The following SLC16A2 variants were observed in gnomAD, a reference collection of about 807,000 sequenced individuals.
SLC16A2 encodes solute carrier family 16 member 2.
A neutral mutation model predicts 27.2 loss-of-function variants in SLC16A2; 3 were observed. That is an observed-to-expected ratio of 0.11 (90% confidence interval 0.05 to 0.28). The LOEUF (loss-of-function observed/expected upper bound fraction) is 0.28. SLC16A2 is among the 10% of genes least tolerant of loss of function. The pLI is 1.00. For missense variants in SLC16A2, 295 were observed against 458.5 expected (o/e 0.64, Z 3.26); for synonymous variants, 202 against 187.8 (o/e 1.08, Z -0.62).
intron 1 of SLC16A2, among the ~76,000 whole-genome samples, chrX:74,503,804 C>T (rs1602134974): frequency 8.9e-6 from 1 of 112,020 alleles, no homozygotes; most frequent in South Asian, 3.7e-4. Context: ...TCAGACAGAC[C>T]TGGATTGGAT....
chrX:74,449,729 C>T (rs1928903805), intron 1 of SLC16A2, among the ~76,000 whole-genome samples: 1 of 111,912 alleles, frequency 8.9e-6, no homozygotes, highest in African/African-American at 3.3e-5. Context: ...ACACACCCCT[C>T]TAAGTAGGTT....
intron 1 of SLC16A2, among the ~76,000 whole-genome samples, chrX:74,518,410 G>A (rs1295352664): frequency 9.0e-6 from 1 of 110,923 alleles, no homozygotes; most frequent in Admixed American, 9.6e-5. Flanking sequence ...CCTGGCCATC[G>A]TGGTGAAACC....
chrX:74,433,642 C>T (rs1275545464), intron 1 of SLC16A2, among the ~76,000 whole-genome samples: 1 of 111,871 alleles, frequency 8.9e-6, no homozygotes, highest in Non-Finnish European at 1.9e-5. Context: ...AGGCTACCAT[C>T]CACCTTATCC....
At chrX:74,464,052 C>T (rs1202519313) in intron 1 of SLC16A2, among the ~76,000 whole-genome samples, 3 of 111,976 alleles carry the variant, frequency 2.7e-5, no homozygotes, top group Non-Finnish European at 5.6e-5. Flanking sequence ...CTCTTTTTGT[C>T]TAGAGATTTT....
At position 74,421,926 on chromosome X, in the gene SLC16A2, G is replaced by A. The variant is rs1357516055; in HGVS notation, c.289G>A (p.Gly97Ser). 3 of 1,210,171 alleles carry A rather than the reference G, an allele frequency of 2.5e-6. No individual in the cohort carries two copies. Among genetic ancestry groups the A allele is most frequent in the Non-Finnish European group, 3.4e-6 (3 of 895,264 alleles). ...CGCGCGCGGCTTCCAGCCTCCCGAAGGTGGCTTCGGCTGGGTGGTGGTGTT... is the reference window on the plus strand; with the variant it reads ...CGCGCGCGGCTTCCAGCCTCCCGAAAGTGGCTTCGGCTGGGTGGTGGTGTT... ...GTARGFQPPE[G>S]GFGWVVVFAA... Residue 97 changes from glycine (G) to serine (S), a missense_variant, in exon 1 of 6, where the codon GGT becomes AGT. By Grantham distance (56) the Gly-to-Ser change is moderately conservative. Transcript: ENST00000587091.
intron 1 of SLC16A2, among the ~76,000 whole-genome samples, chrX:74,485,456 G>C (rs1243328996): frequency 9.1e-6 from 1 of 109,505 alleles, no homozygotes; most frequent in Non-Finnish European, 1.9e-5. Context: ...TACTCAGAAG[G>C]CCTTGTCACA....
At chrX:74,461,595 G>A (rs965921670) in intron 1 of SLC16A2, among the ~76,000 whole-genome samples, 1 of 111,411 alleles carries the variant, frequency 9.0e-6, no homozygotes, top group African/African-American at 3.3e-5. Context: ...CGCAGTGCTA[G>A]GCAACACACA....
intron 1 of SLC16A2, among the ~76,000 whole-genome samples, chrX:74,435,545 A>ATATGTGTATG: frequency 2.3e-5 from 2 of 88,485 alleles, no homozygotes; most frequent in African/African-American, 9.5e-5. Flanking sequence ...ATGTATATAT[A>ATATGTGTATG]TATATATATT....
intron 1 of SLC16A2, among the ~76,000 whole-genome samples, chrX:74,508,824 C>G (rs1980234501): frequency 9.0e-6 from 1 of 111,675 alleles, no homozygotes; most frequent in Admixed American, 9.5e-5. Flanking sequence ...AGCCCAGTAC[C>G]CAGTAAATAT....
In SLC16A2 at chrX:74,531,996, G is replaced by A; in HGVS notation, c.*443G>A. ...TTGCCATCCATATTTGGGAGCCACT[G>A]GGTGGAGGGGCAGGGAGGCAAAATG... On this transcript the variant is annotated 3_prime_UTR_variant, in exon 6 of 6. Transcript: ENST00000587091. The A allele has an allele frequency of 5.3e-6, 1 of 189,305 alleles. No individual in the cohort carries two copies. The highest frequency in any genetic ancestry group is 1.3e-4 in the East Asian group (1 of 7,995). The allele number at this position is 189,305 out of a possible 1,213,427, so 15.6% of individuals were successfully genotyped here.
intron 1 of SLC16A2, among the ~76,000 whole-genome samples, chrX:74,518,321 C>T (rs1930348543): frequency 8.9e-6 from 1 of 112,206 alleles, no homozygotes; most frequent in Non-Finnish European, 1.9e-5. Context: ...TTGCTGGGCA[C>T]CATTGCTCAC....
chrX:74,442,246 A>AG (rs1476136828), intron 1 of SLC16A2, among the ~76,000 whole-genome samples: 8 of 109,107 alleles, frequency 7.3e-5, no homozygotes, highest in African/African-American at 2.3e-4. Context: ...AAAAAAAAAA[A>AG]AAAGAAATGG....
At chrX:74,494,712 T>A (rs1426887133) in intron 1 of SLC16A2, among the ~76,000 whole-genome samples, 2 of 111,297 alleles carry the variant, frequency 1.8e-5, no homozygotes, top group African/African-American at 6.5e-5. Context: ...AGCTCCACTT[T>A]GATTTACAGA....
rs1164828884 is a variant in SLC16A2, at chrX:74,447,731, C to A, written c.430+25664C>A. 7.4e-5 allele frequency among the ~76,000 whole-genome samples: 8 copies of A among 108,441 alleles called. No homozygotes were observed. The Admixed American group carries it at 8.0e-4, about 11-fold the overall frequency. 94.2% of individuals were successfully genotyped at this position (108,441 alleles called of 115,157 possible). Reference sequence around the variant, plus strand: ...CAGTGGCTCATGCCTGCAATCCCAGCACTCTGGAAAGCTGAGGCGGGTGGA... The same window carrying A: ...CAGTGGCTCATGCCTGCAATCCCAGAACTCTGGAAAGCTGAGGCGGGTGGA... On this transcript the variant is annotated intron_variant, in intron 1 of 5. Transcript: ENST00000587091.
chrX:74,468,323 A>G (rs747926118), intron 1 of SLC16A2, among the ~76,000 whole-genome samples: 1 of 112,032 alleles, frequency 8.9e-6, no homozygotes, highest in Non-Finnish European at 1.9e-5. Flanking sequence ...GTTTCTATAA[A>G]TGTGTATGCT....
At chrX:74,447,434 A>G (rs957079759) in intron 1 of SLC16A2, among the ~76,000 whole-genome samples, 11 of 111,292 alleles carry the variant, frequency 9.9e-5, no homozygotes, top group Admixed American at 9.6e-4. Flanking sequence ...ACACTTTGGG[A>G]GGCTGAGGTG....
intron 1 of SLC16A2, among the ~76,000 whole-genome samples, chrX:74,428,645 C>T (rs1319608970): frequency 9.0e-6 from 1 of 110,621 alleles, no homozygotes; most frequent in Non-Finnish European, 1.9e-5. Flanking sequence ...TTCCTTTCCT[C>T]TCTTACTTTC....
intron 2 of SLC16A2, among the ~76,000 whole-genome samples, chrX:74,522,545 C>A (rs1050052366): frequency 8.9e-6 from 1 of 112,015 alleles, no homozygotes; most frequent in Non-Finnish European, 1.9e-5. Context: ...AGGAGCTAGG[C>A]TTCAAAAGCA....
intron 1 of SLC16A2, among the ~76,000 whole-genome samples, chrX:74,503,438 T>C (rs1418189220): frequency 3.6e-5 from 4 of 111,451 alleles, no homozygotes; most frequent in Non-Finnish European, 7.5e-5. Context: ...GAGCAAGCTG[T>C]TTGCCTTCTT....
Sources: gnomAD v4.1 joint callset for allele counts (sites outside exome capture counted in the v4.1 genomes callset) on GRCh38, gnomAD v4.1.1 for gene constraint, MANE v1.5 for transcripts, NCBI Gene and HGNC (gene_info 2026-07-23, HGNC 2026-07-21) for gene names.